The following DHRS12 variants were observed in gnomAD, a reference collection of about 807,000 sequenced individuals.
The protein encoded by DHRS12 is dehydrogenase/reductase 12.
Under a neutral mutation model 32.1 loss-of-function variants are expected in DHRS12, and 29 were observed. The observed-to-expected ratio is 0.90, with a 90% CI of 0.67 to 1.23. The LOEUF (loss-of-function observed/expected upper bound fraction) is 1.23, where lower values mean the gene tolerates loss of function less well. DHRS12 is among the 50% of genes most tolerant of loss of function. DHRS12 has a pLI of 0.00. For synonymous variants in DHRS12, 150 were observed against 135.9 expected, an observed-to-expected ratio of 1.10 and a Z score of -0.72; for missense variants, 330 against 337.2, an observed-to-expected ratio of 0.98 and a Z score of 0.17.
chr13:51,759,907 C>T, the DHRS12 span: 4 of 924,498 alleles, frequency 4.3e-6, no homozygotes, highest in African/African-American at 3.4e-5. Context: ...GCAGATTACC[C>T]ATGTGCACAG....
In DHRS12 at chr13:51,782,590, G is replaced by A. The variant is rs575508964; in HGVS notation, c.302-5469C>T. Among the ~76,000 whole-genome samples the A allele has an allele frequency of 3.9e-4, 59 of 152,268 alleles. No homozygotes were observed. The East Asian group carries it at 7.0e-3, about 18-fold the overall frequency. The stretch of plus-strand genomic sequence containing the variant: ...GACTGGAGTGAGCTGCAGGATGCCC[G>A]GGACTCGGGGACCATGAGAGGCTGG... On this transcript the variant is annotated intron_variant, in intron 4 of 8. Transcript: ENST00000444610. The surrounding 1 kb of genome is among the most constrained non-coding windows in gnomAD (Gnocchi z 4.2).
intron 8 of DHRS12, chr13:51,768,652 A>G: frequency 1.8e-6 from 2 of 1,135,660 alleles, no homozygotes; most frequent in Non-Finnish European, 2.2e-6. Context: ...AAGCCAAGCA[A>G]AGAGCCTGGC....
chr13:51,771,048 G>T lies in DHRS12; in HGVS notation c.559+773C>A. The T allele has an allele frequency of 6.3e-6, 9 of 1,432,424 alleles. No homozygotes were observed. The South Asian group carries it at 1.4e-4, about 22-fold the overall frequency. 88.7% of individuals were successfully genotyped at this position (1,432,424 alleles called of 1,614,324 possible). On this transcript the variant is annotated intron_variant, in intron 7 of 8. Coordinates refer to ENST00000444610, the MANE Select transcript of DHRS12 (RefSeq NM_001377533.1). Reference sequence around the variant, plus strand: ...AGAGCCTGATTCCCAAAACCCCATGGCCAGGCCCGGCTGGGAGGTCTTAGC... The same window carrying T: ...AGAGCCTGATTCCCAAAACCCCATGTCCAGGCCCGGCTGGGAGGTCTTAGC...
intron 4 of DHRS12, among the ~76,000 whole-genome samples, chr13:51,784,933 T>C (rs1954882737): frequency 6.6e-6 from 1 of 152,228 alleles, no homozygotes; most frequent in South Asian, 2.1e-4. Context: ...CCTTTATAAA[T>C]GTTTATGTAA....
chr13:51,802,632 CT>C (rs1275040108), intron 1 of DHRS12, among the ~76,000 whole-genome samples: 1 of 152,228 alleles, frequency 6.6e-6, no homozygotes, highest in African/African-American at 2.4e-5. Context: ...ATCCTCCTGC[CT>C]TAGGAGCCCA....
chr13:51,763,355 C>G (rs1953649177), downstream of DHRS12: 1 of 152,140 alleles, frequency 6.6e-6, no homozygotes, highest in African/African-American at 2.4e-5. Context: ...AAATTCCTTC[C>G]TATACATTCC....
chr13:51,758,953 C>A, the DHRS12 span, among the ~76,000 whole-genome samples: 11 of 152,168 alleles, frequency 7.2e-5, no homozygotes, highest in African/African-American at 2.6e-4. Context: ...GGAGGTGAGA[C>A]GGAGGATCAC....
intron 8 of DHRS12, 148 bp from the exon 9 acceptor site, chr13:51,768,444 C>T: frequency 6.9e-7 from 1 of 1,455,104 alleles, no homozygotes; most frequent in Middle Eastern, 2.5e-4. Flanking sequence ...GTCAAAGGTC[C>T]CACAGGGATC....
chr13:51,757,349 C>T, the DHRS12 span, among the ~76,000 whole-genome samples: 2 of 152,012 alleles, frequency 1.3e-5, no homozygotes, highest in African/African-American at 4.8e-5. Flanking sequence ...AAGACATAGA[C>T]TTTAAGAGTT....
At chr13:51,791,323 T>A in intron 2 of DHRS12, 66 bp from the exon 3 acceptor site, 1 of 962,634 alleles carries the variant, frequency 1.0e-6, no homozygotes. Context: ...CTTTTAATTT[T>A]AAAAAAGTAT....
At chr13:51,781,089 C>G (rs1761145533) in intron 4 of DHRS12, among the ~76,000 whole-genome samples, 1 of 152,190 alleles carries the variant, frequency 6.6e-6, no homozygotes, top group African/African-American at 2.4e-5. Flanking sequence ...TGGTGAACAC[C>G]ATTTGGTACT....
intron 4 of DHRS12, among the ~76,000 whole-genome samples, chr13:51,784,225 C>T (rs1228131250): frequency 6.6e-6 from 1 of 152,166 alleles, no homozygotes; most frequent in African/African-American, 2.4e-5. Context: ...AAGAAACCCA[C>T]CCATCAGCAG....
chr13:51,804,018 C>G (rs1955880715), intron 1 of DHRS12, 36 bp downstream of exon 1: 1 of 1,451,416 alleles, frequency 6.9e-7, no homozygotes, highest in African/African-American at 1.5e-5. Flanking sequence ...GGCCACGTGA[C>G]AGCCCGGGGC....
At chr13:51,789,476 A>G (rs183100229) in intron 4 of DHRS12, 103 of 902,504 alleles carry the variant, frequency 1.1e-4, no homozygotes, top group Non-Finnish European at 1.3e-4. Context: ...GAATCTAAGA[A>G]TGTGCATGTC....
intron 4 of DHRS12, among the ~76,000 whole-genome samples, chr13:51,787,801 T>TATAA (rs1258588695): frequency 7.5e-5 from 8 of 107,374 alleles, no homozygotes; most frequent in Non-Finnish European, 1.1e-4. Context: ...TATTAATATA[T>TATAA]ATTTATATAT....
chr13:51,771,895 A>T lies in DHRS12; in HGVS notation c.485T>A (p.Leu162Gln), dbSNP rs1396451481. The T allele has an allele frequency of 1.9e-6, 3 of 1,614,146 alleles. No individual in the cohort carries two copies. Among genetic ancestry groups the T allele is most frequent in the Non-Finnish European group, 1.7e-6 (2 of 1,180,018 alleles). ...YAQNKRQQVV[L>Q]TERWAQGHPA... is the part of the protein sequence containing the mutation. Reference sequence around the variant, plus strand: ...GTGCCCTTGGGCCCACCGCTCCGTCAGAACCACTTGCTGCCTCTGGACAGG... The same window carrying T: ...GTGCCCTTGGGCCCACCGCTCCGTCTGAACCACTTGCTGCCTCTGGACAGG... Residue 162 changes from leucine (L) to glutamine (Q), a missense_variant, in exon 7 of 9, where the codon CTG becomes CAG. Physicochemically the swap from Leu to Gln is moderately radical, Grantham distance 113. Transcript: ENST00000444610.
chr13:51,779,399 G>A (rs925237409), intron 4 of DHRS12, among the ~76,000 whole-genome samples: 49 of 152,162 alleles, frequency 3.2e-4, no homozygotes, highest in Admixed American at 6.5e-5. Context: ...CTTTGCCCTG[G>A]GCCAGGTGCT....
At chr13:51,772,328 T>C (rs1242758977) in intron 6 of DHRS12, among the ~76,000 whole-genome samples, 1 of 152,068 alleles carries the variant, frequency 6.6e-6, no homozygotes. Flanking sequence ...GCATACGGTG[T>C]GTGTTCAGCT....
chr13:51,792,397 GTT>G (rs1466804183), intron 2 of DHRS12, among the ~76,000 whole-genome samples: 1 of 150,814 alleles, frequency 6.6e-6, no homozygotes, highest in East Asian at 2.0e-4. Flanking sequence ...TTTGTTTTTT[GTT>G]TGTTTTTTCT....
Sources: gnomAD v4.1 joint callset for allele counts (sites outside exome capture counted in the v4.1 genomes callset) on GRCh38, gnomAD v4.1.1 for gene constraint, Gnocchi (gnomAD v3.1) non-coding constraint, MANE v1.5 for transcripts, NCBI Gene and HGNC (gene_info 2026-07-23, HGNC 2026-07-21) for gene names.